BRAT1: variants seen among roughly 807,000 people sequenced by gnomAD.
BRAT1 encodes the protein BRCA1 associated ATM activator 1.
A neutral mutation model predicts 70.6 loss-of-function variants in BRAT1; 74 were observed. That is an observed-to-expected ratio of 1.05 (90% confidence interval 0.87 to 1.27). The LOEUF (loss-of-function observed/expected upper bound fraction) is 1.27, where lower values mean the gene tolerates loss of function less well. BRAT1 is among the 50% of genes most tolerant of loss of function. BRAT1 has a pLI of 0.00. For missense variants in BRAT1, 1,203 were observed against 1,098.2 expected (o/e 1.10, Z -1.35); for synonymous variants, 615 against 517.1 (o/e 1.19, Z -2.57).
At chr7:2,550,396 A>AAGT (rs764276036) in intron 2 of BRAT1, among the ~76,000 whole-genome samples, 3 of 149,398 alleles carry the variant, frequency 2.0e-5, no homozygotes, top group Non-Finnish European at 4.5e-5. Context: ...TGAGCCCAAG[A>AAGT]AGTCGAGGCT....
chr7:2,553,908 A>G (rs1024427288), intron 2 of BRAT1, among the ~76,000 whole-genome samples: 5 of 151,916 alleles, frequency 3.3e-5, no homozygotes, highest in Non-Finnish European at 7.4e-5. Context: ...CAGCCTCCCA[A>G]AGTGCTGGGA....
At chr7:2,542,946 C>G in intron 6 of BRAT1, 1 of 307,820 alleles carries the variant, frequency 3.2e-6, no homozygotes, top group Non-Finnish European at 6.0e-6. Context: ...GACCACCCTG[C>G]TCTGAGCAGA....
At position 2,541,287 on chromosome 7, in the gene BRAT1, AAC is replaced by A. The variant is rs780083083; in HGVS notation, c.1321+9_1321+10del. 2 of 1,574,082 alleles carry A rather than the reference AAC, an allele frequency of 1.3e-6. No individual in the cohort carries two copies. The highest frequency in any genetic ancestry group is 1.1e-5 in the South Asian group (1 of 87,234). ...ATAGCCCCACGCCAAAGCCGTACAG[AAC>A]ACACTCACCTGTCCCCTGTGACAGC... On this transcript the variant is annotated intron_variant, in intron 9 of 13. Transcript: ENST00000340611.
rs1230160920 is a variant in BRAT1, at chr7:2,545,023, G to T, written c.316C>A (p.Pro106Thr). Residue 106 changes from proline to threonine, a missense_variant, in exon 4 of 14, where the codon CCA becomes ACA. Coordinates refer to ENST00000340611, the MANE Select transcript of BRAT1 (RefSeq NM_152743.4). ...CAGGTTGCTCGGCCGAGGGGTCCTG[G>T]CTCCCCAAAGAGCCCTGGTAGTAAC... ...GELLPGLFGE[P>T]GPLGRATWAV... 6.5e-6 allele frequency: 10 copies of T among 1,527,878 alleles called. No homozygotes were observed. Among genetic ancestry groups the T allele is most frequent in the South Asian group, 1.3e-5 (1 of 79,928 alleles). 94.6% of individuals were successfully genotyped at this position (1,527,878 alleles called of 1,614,324 possible). A position where few individuals can be genotyped will look rare whatever the true frequency, so the allele number is the denominator to read the frequency against.
intron 13 of BRAT1, 74 bp downstream of exon 13, chr7:2,539,105 G>A (rs925183690): frequency 4.6e-6 from 7 of 1,520,654 alleles, no homozygotes; most frequent in East Asian, 2.3e-5. Context: ...CTGGCCGCTC[G>A]ACCACCCGCA....
At position 2,538,583 on chromosome 7, in the gene BRAT1, C is replaced by A; in HGVS notation, c.1952G>T (p.Arg651Leu). 2 of 1,598,912 alleles carry A rather than the reference C, an allele frequency of 1.3e-6. No individual in the cohort carries two copies. Among genetic ancestry groups the A allele is most frequent in the Non-Finnish European group, 1.7e-6 (2 of 1,178,182 alleles). The change falls in exon 14 of 14, where the codon CGC becomes CTC. Residue 651 changes from arginine to leucine, a missense_variant. Coordinates refer to ENST00000340611, the MANE Select transcript of BRAT1 (RefSeq NM_152743.4). ...AASRDLDWEV[R>L]AQGLELALVF... ...GAGGGCCAGCTCCAGGCCCTGGGCGCGGACCTCCCAGTCCAGGTCTCGGCT... is the reference window on the plus strand; with the variant it reads ...GAGGGCCAGCTCCAGGCCCTGGGCGAGGACCTCCCAGTCCAGGTCTCGGCT...
At chr7:2,548,790 C>T (rs1212488523) in intron 2 of BRAT1, among the ~76,000 whole-genome samples, 4 of 152,042 alleles carry the variant, frequency 2.6e-5, no homozygotes, top group Non-Finnish European at 4.4e-5. Flanking sequence ...GTGAATGAAA[C>T]CCTGTCTCTA....
chr7:2,540,699 C>A (rs1003836486), intron 10 of BRAT1: 13 of 383,778 alleles, frequency 3.4e-5, no homozygotes, highest in Non-Finnish European at 5.5e-5. Flanking sequence ...CTTGGTGCCA[C>A]CTCATTTCCC....
intron 13 of BRAT1, 140 bp from the exon 14 acceptor site, chr7:2,538,904 G>T: frequency 6.8e-7 from 1 of 1,475,978 alleles, no homozygotes; most frequent in South Asian, 1.4e-5. Context: ...TTCCCATGCT[G>T]CGCAGTGAGC....
intron 9 of BRAT1, 74 bp from the exon 10 acceptor site, chr7:2,541,126 C>T (rs1779122373): frequency 4.1e-6 from 6 of 1,457,502 alleles, no homozygotes; most frequent in African/African-American, 3.0e-5. Context: ...TGGGAAGGAG[C>T]AGAACAAGGC....
At chr7:2,553,887 T>G (rs1780219821) in intron 2 of BRAT1, among the ~76,000 whole-genome samples, 2 of 151,464 alleles carry the variant, frequency 1.3e-5, no homozygotes, top group South Asian at 4.2e-4. Context: ...ACTTAAGCAA[T>G]CCGCTCGCCT....
At chr7:2,555,431 G>C (rs1583349667) in intron 1 of BRAT1, 56 bp downstream of exon 1, 1 of 151,740 alleles carries the variant, frequency 6.6e-6, no homozygotes, top group African/African-American at 2.4e-5. Context: ...GCCGGGTCTT[G>C]GCCTCCCCGC....
intron 2 of BRAT1, among the ~76,000 whole-genome samples, chr7:2,548,838 G>A (rs1025833916): frequency 4.3e-4 from 65 of 151,628 alleles, no homozygotes; most frequent in Non-Finnish European, 8.4e-4. Flanking sequence ...GGTGGCGGGC[G>A]CCTGTGGTCC....
chr7:2,541,646 C>A, intron 8 of BRAT1, 72 bp downstream of exon 8: 8 of 1,494,424 alleles, frequency 5.4e-6, no homozygotes, highest in Non-Finnish European at 7.2e-6. Flanking sequence ...GGGTGGGGGG[C>A]GTCAGCCTAC....
At chr7:2,550,753 G>C (rs552046781) in intron 2 of BRAT1, among the ~76,000 whole-genome samples, 2 of 152,258 alleles carry the variant, frequency 1.3e-5, no homozygotes, top group South Asian at 4.1e-4. Context: ...TGTGAACCCA[G>C]ACTCGGTTTC....
intron 2 of BRAT1, 95 bp from the exon 3 acceptor site, chr7:2,547,573 T>C: frequency 2.2e-6 from 3 of 1,373,408 alleles, no homozygotes; most frequent in Non-Finnish European, 3.0e-6. Flanking sequence ...CAGACCCTTT[T>C]CTTGCAGGGT....
rs983329596 is a variant in BRAT1, at chr7:2,554,506, G to A, written c.-16-59C>T. The A allele has an allele frequency of 3.3e-6, 5 of 1,528,728 alleles. No individual in the cohort carries two copies. The African/African-American group carries it at 4.1e-5, about 12-fold the overall frequency. 94.7% of individuals were successfully genotyped at this position (1,528,728 alleles called of 1,614,324 possible). On this transcript the variant is annotated intron_variant, in intron 1 of 13. Transcript: ENST00000340611. ...CCCACTCCAGACCCAGCTCGCTCTA[G>A]TCACAGCAGCCCACCATGCCTGCTC...
In BRAT1 at chr7:2,538,081, G is replaced by C. The variant is rs557088612; in HGVS notation, c.2454C>G (p.Ala818=). Residue 818 remains alanine, a synonymous_variant, in exon 14 of 14, where the codon GCC becomes GCG. Transcript: ENST00000340611. ...ATGGFLQGDE[A]DCY is the part of the protein sequence containing the mutation. The stretch of plus-strand genomic sequence containing the variant: ...ACTCTGGTTCTGCTCAGTAGCAGTC[G>C]GCCTCGTCCCCCTGCAGGAAGCCTC... The C allele has an allele frequency of 2.6e-6, 4 of 1,567,880 alleles. No homozygotes were observed. The highest frequency in any genetic ancestry group is 3.5e-6 in the Non-Finnish European group (4 of 1,151,286).
chr7:2,550,337 G>A (rs572610269), intron 2 of BRAT1, among the ~76,000 whole-genome samples: 69 of 150,532 alleles, frequency 4.6e-4, no homozygotes, highest in Non-Finnish European at 4.6e-4. Context: ...GCGTGGTGGC[G>A]GGCTCCTGTG....
Sources: allele counts gnomAD v4.1 joint callset (sites outside exome capture counted in the v4.1 genomes callset), GRCh38; gene constraint gnomAD v4.1.1; transcripts MANE v1.5; gene names NCBI Gene and HGNC (gene_info 2026-07-23, HGNC 2026-07-21).